The following NUP153 variants were observed in gnomAD, a reference collection of about 807,000 sequenced individuals.
NUP153 encodes nucleoporin 153, also known as nuclear pore complex protein Nup153.
In NUP153, 27 loss-of-function variants were observed where a neutral mutation model predicts 134.6. The observed-to-expected ratio is 0.20, with a 90% CI of 0.15 to 0.28. The LOEUF is 0.28. NUP153 is among the 10% of genes least tolerant of loss of function. The pLI, the probability that NUP153 is intolerant of heterozygous loss-of-function variation, is 1.00. For synonymous variants in NUP153, 640 were observed against 623.5 expected (o/e 1.03, Z -0.40); for missense variants, 1,821 against 1,731.3 (o/e 1.05, Z -0.92).
At position 17,624,846 on chromosome 6, in the gene NUP153, A is replaced by G; in HGVS notation, c.3902-13T>C. On this transcript the variant is annotated splice_polypyrimidine_tract_variant and intron_variant, in intron 19 of 21. Transcript: ENST00000262077. ...ACAAAGGAGGATCCTGGAGGCCCAAAGAAACACTTAAGTCACCATGGTGGC... is the reference window on the plus strand; with the variant it reads ...ACAAAGGAGGATCCTGGAGGCCCAAGGAAACACTTAAGTCACCATGGTGGC... The G allele has an allele frequency of 6.4e-7, 1 of 1,572,018 alleles. No homozygotes were observed. The highest frequency in any genetic ancestry group is 8.6e-7 in the Non-Finnish European group (1 of 1,157,156).
At chr6:17,620,526 C>T (rs1764597130) in intron 20 of NUP153, among the ~76,000 whole-genome samples, 1 of 152,088 alleles carries the variant, frequency 6.6e-6, no homozygotes, top group Non-Finnish European at 1.5e-5. Flanking sequence ...GACATGAGAC[C>T]ACAAAACCCC....
Position 17,615,940 on chromosome 6 carries a change from G to GTATT in NUP153, c.*156_*157insAATA. Reference sequence around the variant, plus strand: ...TAAAAAAGGGTGGGTGAGGCAGGGTGGGGCTTCTGTAACGAAAGAGAAAGG... The same window carrying GTATT: ...TAAAAAAGGGTGGGTGAGGCAGGGTGTATTGGGCTTCTGTAACGAAAGAGAAAGG... On this transcript the variant is annotated 3_prime_UTR_variant, in exon 22 of 22. Coordinates refer to ENST00000262077, the MANE Select transcript of NUP153 (RefSeq NM_005124.4). The surrounding 1 kb of genome is among the most constrained non-coding windows in gnomAD (Gnocchi z 5.7). 1 of 539,632 alleles carries GTATT rather than the reference G, an allele frequency of 1.9e-6. No homozygotes were observed. The allele number at this position is 539,632 out of a possible 1,614,324, so 33.4% of individuals were successfully genotyped here.
chr6:17,676,687 G>C (rs1004512552), intron 2 of NUP153, among the ~76,000 whole-genome samples: 1 of 151,960 alleles, frequency 6.6e-6, no homozygotes, highest in Non-Finnish European at 1.5e-5. Context: ...GTGGAAAACA[G>C]CACAAAAAAA....
chr6:17,619,246 C>G (rs576373831), intron 20 of NUP153, among the ~76,000 whole-genome samples: 1 of 152,294 alleles, frequency 6.6e-6, no homozygotes, highest in East Asian at 1.9e-4. Context: ...TATATTCAAT[C>G]AAAATCTTAC....
rs1245490258 is a variant in NUP153, at chr6:17,706,729, G to A, written c.-342C>T. ...TCCCCGCGGTGCTGAGGCCTAACTC[G>A]ACCGCCGACTGGTGGGAGTTCTTCC... is the stretch of plus-strand genomic sequence containing the variant. On this transcript the variant is annotated 5_prime_UTR_variant, in exon 1 of 22. Transcript: ENST00000262077. The surrounding 1 kb of genome is among the most constrained non-coding windows in gnomAD (Gnocchi z 5.9). 1 of 268,314 alleles carries A rather than the reference G, an allele frequency of 3.7e-6. No homozygotes were observed. Among genetic ancestry groups the A allele is most frequent in the African/African-American group, 2.3e-5 (1 of 44,174 alleles). The allele number at this position is 268,314 out of a possible 1,614,324, so 16.6% of individuals were successfully genotyped here.
At chr6:17,659,621 C>T (rs994937152) in intron 11 of NUP153, among the ~76,000 whole-genome samples, 3 of 152,058 alleles carry the variant, frequency 2.0e-5, no homozygotes, top group Non-Finnish European at 2.9e-5. Context: ...TACACACATA[C>T]GCTATCACAC....
At chr6:17,679,228 T>G (rs901967888) in intron 2 of NUP153, among the ~76,000 whole-genome samples, 3 of 152,158 alleles carry the variant, frequency 2.0e-5, no homozygotes, top group African/African-American at 7.2e-5. Flanking sequence ...CAAAAAAATG[T>G]GTTTCTAGGC....
At chr6:17,699,375 C>G (rs1461959805) in intron 1 of NUP153, among the ~76,000 whole-genome samples, 1 of 150,950 alleles carries the variant, frequency 6.6e-6, no homozygotes, top group Non-Finnish European at 1.5e-5. Flanking sequence ...GCGTGCTACT[C>G]CAGAGGCTGA....
chr6:17,659,725 C>T (rs1480800702), intron 11 of NUP153, among the ~76,000 whole-genome samples: 1 of 152,202 alleles, frequency 6.6e-6, no homozygotes, highest in East Asian at 1.9e-4. Flanking sequence ...CCCGCCTTGG[C>T]CTCCCAAAGT....
intron 5 of NUP153, among the ~76,000 whole-genome samples, chr6:17,673,393 G>C (rs1032367321): frequency 2.0e-5 from 3 of 152,048 alleles, no homozygotes; most frequent in African/African-American, 7.2e-5. Context: ...AAAAGACACT[G>C]TTAAGATACA....
intron 11 of NUP153, among the ~76,000 whole-genome samples, chr6:17,650,625 T>G (rs1338970589): frequency 6.8e-6 from 1 of 147,846 alleles, no homozygotes; most frequent in East Asian, 2.0e-4. Context: ...ATAAAGGCAC[T>G]TCCAGATAAA....
At position 17,637,482 on chromosome 6, in the gene NUP153, C is replaced by T; in HGVS notation, c.2135G>A (p.Gly712Glu). The part of the protein sequence containing the change: ...KSGKTTLSAS[G>E]TGFGDKFKPV... The stretch of plus-strand genomic sequence containing the variant: ...TTTAAATTTGTCTCCAAAGCCTGTC[C>T]CTGATGCAGAAAGAGTTGTTTTGCC... The change falls in exon 16 of 22, where the codon GGG becomes GAG. Residue 712 changes from glycine (G) to glutamate (E), a missense_variant. Coordinates refer to ENST00000262077, the MANE Select transcript of NUP153 (RefSeq NM_005124.4). The T allele has an allele frequency of 6.2e-7, 1 of 1,614,210 alleles. No individual in the cohort carries two copies. Among genetic ancestry groups the T allele is most frequent in the South Asian group, 1.1e-5 (1 of 91,084 alleles).
Position 17,616,039 on chromosome 6 carries a change from G to T in NUP153, c.*58C>A. ...TAACCCCAGCACAAAGTACAATCCA[G>T]TATCTGAAAGCAGGGCACCAGCTGT... On this transcript the variant is annotated 3_prime_UTR_variant, in exon 22 of 22. Coordinates refer to ENST00000262077, the MANE Select transcript of NUP153 (RefSeq NM_005124.4). The T allele has an allele frequency of 8.3e-7, 1 of 1,206,610 alleles. No homozygotes were observed. The highest frequency in any genetic ancestry group is 1.2e-6 in the Non-Finnish European group (1 of 809,716). 74.7% of individuals were successfully genotyped at this position (1,206,610 alleles called of 1,614,324 possible). A position where few individuals can be genotyped will look rare whatever the true frequency, so the allele number is the denominator to read the frequency against.
intron 20 of NUP153, among the ~76,000 whole-genome samples, chr6:17,623,828 T>C (rs796819993): frequency 6.6e-6 from 1 of 152,134 alleles, no homozygotes; most frequent in East Asian, 1.9e-4. Context: ...TAGGGATGCA[T>C]CTATTAGCCA....
chr6:17,691,079 T>G (rs1026443578), intron 1 of NUP153, among the ~76,000 whole-genome samples: 2 of 151,992 alleles, frequency 1.3e-5, no homozygotes, highest in Non-Finnish European at 2.9e-5. Flanking sequence ...CAGATGGAGG[T>G]TGCAGTGAGC....
At chr6:17,673,547 A>G (rs922318209) in intron 5 of NUP153, among the ~76,000 whole-genome samples, 2 of 152,208 alleles carry the variant, frequency 1.3e-5, no homozygotes, top group Admixed American at 1.3e-4. Flanking sequence ...ACCAAAGAAG[A>G]TATTTCACCA....
chr6:17,635,332 A>C (rs1032521921), intron 16 of NUP153, among the ~76,000 whole-genome samples: 1 of 151,862 alleles, frequency 6.6e-6, no homozygotes, highest in African/African-American at 2.4e-5. Flanking sequence ...GATGGTCTCA[A>C]TCTCCTGACC....
At chr6:17,694,768 G>A (rs1769526507) in intron 1 of NUP153, among the ~76,000 whole-genome samples, 1 of 147,508 alleles carries the variant, frequency 6.8e-6, no homozygotes, top group African/African-American at 2.5e-5. Flanking sequence ...CACGAGGTCA[G>A]AAGTTCAAGA....
chr6:17,632,547 G>T, intron 17 of NUP153, 103 bp downstream of exon 17: 1 of 755,958 alleles, frequency 1.3e-6, no homozygotes, highest in South Asian at 2.1e-5. Flanking sequence ...ATTTTCAAGA[G>T]AGAATGAGTG....
Sources: gnomAD v4.1 joint callset for allele counts (sites outside exome capture counted in the v4.1 genomes callset) on GRCh38, gnomAD v4.1.1 for gene constraint, Gnocchi (gnomAD v3.1) non-coding constraint, MANE v1.5 for transcripts, NCBI Gene and HGNC (gene_info 2026-07-23, HGNC 2026-07-21) for gene names.